Variants in MECOM observed in about 807,000 individuals in gnomAD.
MECOM encodes the protein histone-lysine N-methyltransferase MECOM.
A neutral mutation model predicts 116.3 loss-of-function variants in MECOM; 13 were observed. That is an observed-to-expected ratio of 0.11 (90% CI 0.07 to 0.18). MECOM has a LOEUF of 0.18. MECOM is among the 10% of genes least tolerant of loss of function. The probability of loss-of-function intolerance (pLI) is 1.00; values close to 1 mark genes in which losing one functional copy is unlikely to be tolerated. For synonymous variants in MECOM, 528 were observed against 535.2 expected (o/e 0.99, Z 0.19); for missense variants, 1,299 against 1,509.0 (o/e 0.86, Z 2.31).
intron 2 of MECOM, among the ~76,000 whole-genome samples, chr3:169,338,905 A>C (rs1051996122): frequency 6.6e-6 from 1 of 152,116 alleles, no homozygotes; most frequent in South Asian, 2.1e-4. Context: ...GCTTGGGGAA[A>C]AAAAGCTATG....
chr3:169,572,254 TG>T (rs1763995575), intron 1 of MECOM, among the ~76,000 whole-genome samples: 1 of 152,222 alleles, frequency 6.6e-6, no homozygotes, highest in Non-Finnish European at 1.5e-5. Context: ...TTATCATCAC[TG>T]GTCATTAGAG....
intron 1 of MECOM, among the ~76,000 whole-genome samples, chr3:169,497,334 C>CTCTTTT (rs1372537920): frequency 2.0e-5 from 3 of 151,570 alleles, no homozygotes; most frequent in Non-Finnish European, 1.5e-5. Flanking sequence ...TTCAATTTTT[C>CTCTTTT]TCTTTTTCTT....
rs369087412 is a variant in MECOM at position 169,265,884 on chromosome 3, TACTGTGCTATTAAGC to T, written c.375+115288_375+115302del. On this transcript the variant is annotated intron_variant, in intron 2 of 16. Coordinates refer to ENST00000651503, the MANE Select transcript of MECOM (RefSeq NM_004991.4). ...TGGACAAGGAGGTACGAGGCAGCAG[TACTGTGCTATTAAGC>T]CATTCTTTACTCAGGGGACAGAGTA... 1.4e-3 allele frequency among the ~76,000 whole-genome samples: 209 copies of T among 152,324 alleles called. 2 individuals carry two copies. The highest frequency in any genetic ancestry group is 5.0e-3 in the African/African-American group (206 of 41,574).
chr3:169,386,493 T>C (rs1016330400), intron 1 of MECOM, among the ~76,000 whole-genome samples: 9 of 152,210 alleles, frequency 5.9e-5, no homozygotes, highest in African/African-American at 2.2e-4. Flanking sequence ...AGCCATAATG[T>C]GTGAATACTT....
intron 2 of MECOM, among the ~76,000 whole-genome samples, chr3:169,160,258 G>A (rs749880348): frequency 1.3e-5 from 2 of 151,676 alleles, no homozygotes; most frequent in African/African-American, 4.8e-5. Context: ...ATTGCAATCC[G>A]AATGGGGAAA....
At chr3:169,351,141 A>G (rs1252887386) in intron 2 of MECOM, among the ~76,000 whole-genome samples, 1 of 151,868 alleles carries the variant, frequency 6.6e-6, no homozygotes, top group Non-Finnish European at 1.5e-5. Context: ...AAACACATTA[A>G]TGAAAAGATT....
chr3:169,522,059 A>G (rs1403028214), intron 1 of MECOM, among the ~76,000 whole-genome samples: 1 of 152,170 alleles, frequency 6.6e-6, no homozygotes, highest in African/African-American at 2.4e-5. Context: ...GTATCCGTGA[A>G]GGGTCCTGGA....
chr3:169,321,324 G>A lies in MECOM; in HGVS notation c.375+59863C>T, dbSNP rs576186572. Among the ~76,000 whole-genome samples the A allele has an allele frequency of 3.9e-5, 6 of 152,248 alleles. No individual in the cohort carries two copies. In the South Asian group the frequency reaches 1.2e-3, roughly 32 times the overall value. On this transcript the variant is annotated intron_variant, in intron 2 of 16. Coordinates refer to ENST00000651503, the MANE Select transcript of MECOM (RefSeq NM_004991.4). ...TGGGAGGCCAAGGCAGGTGGATCACGAGGTCCGGAGATTGAGACCATCCTG... is the reference window on the plus strand; with the variant it reads ...TGGGAGGCCAAGGCAGGTGGATCACAAGGTCCGGAGATTGAGACCATCCTG...
chr3:169,543,881 A>ATTTT (rs1760398768), intron 1 of MECOM, among the ~76,000 whole-genome samples: 1 of 151,936 alleles, frequency 6.6e-6, no homozygotes, highest in Non-Finnish European at 1.5e-5. Context: ...CTGTTTATTG[A>ATTTT]TTTTTATTTA....
rs368981948 is a variant in MECOM at position 169,115,721 on chromosome 3, C to T, written c.2151G>A (p.Ser717=). The T allele has an allele frequency of 3.2e-5, 51 of 1,613,906 alleles. No individual in the cohort carries two copies. Among genetic ancestry groups the T allele is most frequent in the East Asian group, 6.7e-5 (3 of 44,876 alleles). ...MYPFPDRDLR[S]LPLKMEPQSP... ...ATTGGGGTTCCATTTTCAAAGGTAA[C>T]GATCTCAAGTCTCTATCAGGAAATG... Residue 717 remains serine (S), a synonymous_variant, in exon 8 of 17, where the codon TCG becomes TCA. Transcript: ENST00000651503.
intron 1 of MECOM, among the ~76,000 whole-genome samples, chr3:169,482,610 G>A (rs535088109): frequency 1.1e-4 from 16 of 151,778 alleles, no homozygotes; most frequent in Non-Finnish European, 2.1e-4. Context: ...CTGGGATTAC[G>A]GGCGTGAGCC....
At chr3:169,261,596 G>A (rs1757546972) in intron 2 of MECOM, among the ~76,000 whole-genome samples, 1 of 152,158 alleles carries the variant, frequency 6.6e-6, no homozygotes, top group Non-Finnish European at 1.5e-5. Flanking sequence ...AGCTACTCGG[G>A]AGGCTGAAGA....
At chr3:169,596,112 A>G (rs1767099780) in intron 1 of MECOM, among the ~76,000 whole-genome samples, 1 of 152,218 alleles carries the variant, frequency 6.6e-6, no homozygotes, top group Admixed American at 6.5e-5. Context: ...ATTATTGACA[A>G]CTTCTCCATT....
At chr3:169,614,789 C>G (rs1306087142) in intron 1 of MECOM, 1 of 152,128 alleles carries the variant, frequency 6.6e-6, no homozygotes, top group Admixed American at 6.5e-5. Flanking sequence ...GCTTCCTGGG[C>G]AGCTAGGATA....
chr3:169,643,210 C>T (rs1368161396), intron 1 of MECOM, among the ~76,000 whole-genome samples: 1 of 152,170 alleles, frequency 6.6e-6, no homozygotes, highest in Non-Finnish European at 1.5e-5. Context: ...CCTAATAATT[C>T]AACTCCTCAT....
At chr3:169,224,553 CT>C (rs1752506309) in intron 2 of MECOM, among the ~76,000 whole-genome samples, 1 of 152,196 alleles carries the variant, frequency 6.6e-6, no homozygotes, top group South Asian at 2.1e-4. Flanking sequence ...GTGGAATATC[CT>C]TTCCTTCAGT....
intron 2 of MECOM, among the ~76,000 whole-genome samples, chr3:169,322,742 A>T (rs1721071563): frequency 6.6e-6 from 1 of 152,134 alleles, no homozygotes. Context: ...TCATGCCTGT[A>T]ATCCCAGAAC....
rs552537810 is a variant in MECOM, at chr3:169,663,025, G to T, written c.37+311C>A. ...CCCACCCCTTCGCGCTCACTCTCGC[G>T]CTCTCTCCTCCCTCCCACCCCTAGT... On this transcript the variant is annotated intron_variant, in intron 1 of 16. Coordinates refer to ENST00000651503, the MANE Select transcript of MECOM (RefSeq NM_004991.4). Among the ~76,000 whole-genome samples the T allele has an allele frequency of 8.8e-5, 8 of 90,822 alleles. No homozygotes were observed. In the Admixed American group the frequency reaches 1.1e-3, roughly 13 times the overall value. The allele number at this position is 90,822 out of a possible 152,430, so 59.6% of individuals were successfully genotyped here.
chr3:169,343,490 T>C (rs1029855978), intron 2 of MECOM, among the ~76,000 whole-genome samples: 2 of 152,152 alleles, frequency 1.3e-5, no homozygotes, highest in African/African-American at 2.4e-5. Flanking sequence ...AGAGTAGGAA[T>C]TCCTCCTGAC....
Sources: gnomAD v4.1 joint callset for allele counts (sites outside exome capture counted in the v4.1 genomes callset) on GRCh38, gnomAD v4.1.1 for gene constraint, MANE v1.5 for transcripts, NCBI Gene and HGNC (gene_info 2026-07-23, HGNC 2026-07-21) for gene names.